MACF1: variants seen among roughly 807,000 people sequenced by gnomAD.
The protein encoded by MACF1 is microtubule actin crosslinking factor 1, also known as microtubule-actin cross-linking factor 1.
A neutral mutation model predicts 854.8 loss-of-function variants in MACF1; 193 were observed. That is an observed-to-expected ratio of 0.23 (90% CI 0.20 to 0.25). The LOEUF (loss-of-function observed/expected upper bound fraction) is 0.25. Ranked by LOEUF, MACF1 falls within the 10% of genes least tolerant of loss-of-function variation. MACF1 has a pLI of 1.00. For missense variants in MACF1, 7,722 were observed against 8,929.1 expected (o/e 0.86, Z 5.45); for synonymous variants, 3,185 against 3,226.7 (o/e 0.99, Z 0.44).
At chr1:39,287,869 G>A (rs535262555) in intron 15 of MACF1, among the ~76,000 whole-genome samples, 1 of 152,180 alleles carries the variant, frequency 6.6e-6, no homozygotes, top group South Asian at 2.1e-4. Flanking sequence ...ATCTTGCATG[G>A]ATGAGGTTGG....
chr1:39,469,025 T>C (rs145729083), intron 96 of MACF1, among the ~76,000 whole-genome samples: 234 of 152,314 alleles, frequency 1.5e-3, no homozygotes, highest in African/African-American at 5.4e-3. Context: ...ATTAACACTA[T>C]CCTAGAAAGG....
chr1:39,190,555 G>A (rs1008007439), intron 2 of MACF1, among the ~76,000 whole-genome samples: 2 of 151,576 alleles, frequency 1.3e-5, no homozygotes, highest in Non-Finnish European at 2.9e-5. Flanking sequence ...GCCCAGGGTG[G>A]TCTCGAACTC....
Position 39,485,574 on chromosome 1 carries a change from C to G in MACF1, c.22448C>G (p.Ala7483Gly). ...KKSASRPGSR[A>G]GSRAGSRASS... ...TCTGCCAGTCGCCCTGGGAGTCGGG[C>G]TGGGAGTCGAGCCGGGAGTCGAGCC... Residue 7483 changes from alanine (A) to glycine (G), a missense_variant, in exon 101 of 101, where the codon GCT becomes GGT. By Grantham distance (60) the Ala-to-Gly change is moderately conservative. Transcript: ENST00000564288. 6.2e-7 allele frequency: 1 copy of G among 1,613,928 alleles called. No homozygotes were observed. Among genetic ancestry groups the G allele is most frequent in the Non-Finnish European group, 8.5e-7 (1 of 1,179,922 alleles).
At chr1:39,342,032 C>T (rs572132803) in intron 40 of MACF1, among the ~76,000 whole-genome samples, 1 of 152,012 alleles carries the variant, frequency 6.6e-6, no homozygotes, top group East Asian at 1.9e-4. Flanking sequence ...GGTATTTTTT[C>T]TGATCCTGTC....
At chr1:39,393,846 GGA>G (rs10652572) in intron 58 of MACF1, among the ~76,000 whole-genome samples, 81 of 140,736 alleles carry the variant, frequency 5.8e-4, no homozygotes, top group Middle Eastern at 7.0e-3. Context: ...AGGGAGGGAG[GGA>G]GAGAGAGAGA....
intron 89 of MACF1, 67 bp downstream of exon 89, chr1:39,455,164 C>T (rs1224895384): frequency 1.7e-5 from 26 of 1,499,412 alleles, no homozygotes; most frequent in Non-Finnish European, 2.4e-5. Flanking sequence ...TCTCTGTTGC[C>T]CTGTGTATAT....
chr1:39,412,180 A>C, intron 58 of MACF1: 1 of 1,613,964 alleles, frequency 6.2e-7, no homozygotes, highest in Non-Finnish European at 8.5e-7. Flanking sequence ...CTGCAGTCAA[A>C]CTGAGGGGAA....
At chr1:39,324,560 C>G in intron 34 of MACF1, 86 bp from the exon 35 acceptor site, 2 of 1,216,434 alleles carry the variant, frequency 1.6e-6, no homozygotes, top group South Asian at 1.5e-5. Context: ...CATATTTTCT[C>G]TAGGATTTAA....
At position 39,295,828 on chromosome 1, in the gene MACF1, G is replaced by A. The variant is rs2148405772; in HGVS notation, c.2301G>A (p.Lys767=). Residue 767 remains lysine, a synonymous_variant, in exon 20 of 101, where the codon AAG becomes AAA. Coordinates refer to ENST00000564288, the MANE Select transcript of MACF1 (RefSeq NM_001394062.1). Reference sequence around the variant, plus strand: ...TCCAGTCCCAGTTGCAGTGGATGAAGCAGCTGTGCCTGTGTGTTGAGCAGC... The same window carrying A: ...TCCAGTCCCAGTTGCAGTGGATGAAACAGCTGTGCCTGTGTGTTGAGCAGC... ...AAVQSQLQWM[K]QLCLCVEQHV... 3.1e-6 allele frequency: 5 copies of A among 1,614,118 alleles called. No individual in the cohort carries two copies. The highest frequency in any genetic ancestry group is 4.2e-6 in the Non-Finnish European group (5 of 1,179,992).
In MACF1 at chr1:39,334,541, C is replaced by T. The variant is rs1387422207; in HGVS notation, c.7953C>T (p.Pro2651=). 1 of 1,614,094 alleles carries T rather than the reference C, an allele frequency of 6.2e-7. No individual in the cohort carries two copies. Among genetic ancestry groups the T allele is most frequent in the South Asian group, 1.1e-5 (1 of 91,070 alleles). ...GACAGAGATATCTAGAAGTAATTCC[C>T]TTCTCAGACATTAAAGATGGGGTGA... is the stretch of plus-strand genomic sequence containing the variant. The part of the protein sequence containing the change: ...ESGQRYLEVI[P]FSDIKDGVSD... Residue 2651 remains proline (P), a synonymous_variant, in exon 37 of 101, where the codon CCC becomes CCT. Coordinates refer to ENST00000564288, the MANE Select transcript of MACF1 (RefSeq NM_001394062.1).
In MACF1 at chr1:39,452,327, C is replaced by T. The variant is rs1644356217; in HGVS notation, c.20590C>T (p.Arg6864Trp). The T allele has an allele frequency of 1.2e-5, 19 of 1,613,976 alleles. No homozygotes were observed. The highest frequency in any genetic ancestry group is 2.2e-5 in the East Asian group (1 of 44,872). Reference protein sequence around the residue: ...VCKLSVSKQSRLEQALKQAEV... With the variant: ...VCKLSVSKQSWLEQALKQAEV... ...TAAACTCTCTGTTTCCAAACAAAGC[C>T]GGCTTGAGCAGGCCTTAAAACAAGT... Residue 6864 changes from arginine to tryptophan, a missense_variant, in exon 86 of 101, where the codon CGG (arginine) becomes TGG (tryptophan). Around this residue, in one of 15 missense-constraint regions of MACF1, gnomAD observed 729 missense variants for 900.5 expected, o/e 0.81. Coordinates refer to ENST00000564288, the MANE Select transcript of MACF1 (RefSeq NM_001394062.1).
At chr1:39,430,110 C>T (rs895516779) in intron 65 of MACF1, 42 bp downstream of exon 65, 1 of 1,578,812 alleles carries the variant, frequency 6.3e-7, no homozygotes, top group Middle Eastern at 1.7e-4. Context: ...AAGGCTTCCT[C>T]TTTGTCAGAA....
rs896543040 is a variant in MACF1, at chr1:39,105,379, G to C, written c.220+20941G>C. 23 of 985,902 alleles carry C rather than the reference G, an allele frequency of 2.3e-5. No homozygotes were observed. The highest frequency in any genetic ancestry group is 1.9e-4 in the Admixed American group (3 of 16,144). 61.1% of individuals were successfully genotyped at this position (985,902 alleles called of 1,614,324 possible). On this transcript the variant is annotated intron_variant, in intron 2 of 93. Coordinates refer to the MACF1 transcript ENST00000361689. This position sits in a 1 kb window ranked among gnomAD's most constrained non-coding sequence, Gnocchi z 5.9. Reference sequence around the variant, plus strand: ...CGGGGCGGGCTGAGGGAGGAGCGGAGCCGAGGGGTGAGGACGCGGAAACGC... The same window carrying C: ...CGGGGCGGGCTGAGGGAGGAGCGGACCCGAGGGGTGAGGACGCGGAAACGC...
In MACF1 at chr1:39,254,285, T is replaced by C. The variant is rs781085534; in HGVS notation, c.358-13T>C. The C allele has an allele frequency of 6.8e-6, 11 of 1,611,822 alleles. No individual in the cohort carries two copies. Among genetic ancestry groups the C allele is most frequent in the Non-Finnish European group, 8.5e-7 (1 of 1,178,036 alleles). On this transcript the variant is annotated splice_polypyrimidine_tract_variant and intron_variant, in intron 4 of 100. Coordinates refer to ENST00000564288, the MANE Select transcript of MACF1 (RefSeq NM_001394062.1). ...TAGCCAGAATTAACATCCCTTTTTT[T>C]GTTTGTTTGCAGCCCCGGGAGAAGG...
Position 39,310,448 on chromosome 1 carries a change from G to T in MACF1, c.3100+20G>T. 6.2e-7 allele frequency: 1 copy of T among 1,606,468 alleles called. No homozygotes were observed. The highest frequency in any genetic ancestry group is 8.5e-7 in the Non-Finnish European group (1 of 1,176,260). On this transcript the variant is annotated intron_variant, in intron 25 of 100. Coordinates refer to ENST00000564288, the MANE Select transcript of MACF1 (RefSeq NM_001394062.1). ...AGAATGGTGTGTGCACTGGGAAGAG[G>T]GAAAGAGAATAGTAGAATGAGAGCC...
intron 23 of MACF1, among the ~76,000 whole-genome samples, chr1:39,309,212 A>G (rs1327901220): frequency 6.6e-6 from 1 of 151,982 alleles, no homozygotes; most frequent in Admixed American, 6.6e-5. Context: ...AATATGCATA[A>G]TGCTGTAGCA....
intron 1 of MACF1, among the ~76,000 whole-genome samples, chr1:39,209,762 C>A (rs1278266884): frequency 1.3e-5 from 2 of 152,126 alleles, no homozygotes; most frequent in East Asian, 3.9e-4. Context: ...GCTGCTATGC[C>A]CTTGGTTTTC....
chr1:39,427,914 TC>T (rs1355880851), intron 62 of MACF1, 46 bp from the exon 63 acceptor site: 1 of 1,398,434 alleles, frequency 7.2e-7, no homozygotes, highest in East Asian at 2.3e-5. Context: ...TGTTTACTTT[TC>T]ATTTATTTTG....
intron 52 of MACF1, 105 bp downstream of exon 52, chr1:39,372,701 G>C: frequency 1.3e-6 from 1 of 793,772 alleles, no homozygotes; most frequent in Non-Finnish European, 2.2e-6. Flanking sequence ...GGTTGGATAT[G>C]AAAACAAAGG....
Sources: gnomAD v4.1 joint callset for allele counts (sites outside exome capture counted in the v4.1 genomes callset) on GRCh38, gnomAD v4.1.1 for gene constraint, gnomAD v4.1.1 regional missense constraint, Gnocchi (gnomAD v3.1) non-coding constraint, MANE v1.5 for transcripts, NCBI Gene and HGNC (gene_info 2026-07-23, HGNC 2026-07-21) for gene names.